TNKS: variants seen among roughly 807,000 people sequenced by gnomAD.
TNKS encodes poly [ADP-ribose] polymerase tankyrase-1.
In TNKS, 72 loss-of-function variants were observed where a neutral mutation model predicts 135.8. That is an observed-to-expected ratio of 0.53 (90% CI 0.44 to 0.64). The LOEUF is 0.64. TNKS is among the 30% of genes least tolerant of loss of function. The probability of loss-of-function intolerance (pLI) is 0.00; values close to 1 mark genes in which losing one functional copy is unlikely to be tolerated. For missense variants in TNKS, 1,769 were observed against 1,674.0 expected, an observed-to-expected ratio of 1.06 and a Z score of -0.99; for synonymous variants, 849 against 649.3, an observed-to-expected ratio of 1.31 and a Z score of -4.68.
At chr8:9,686,378 T>C (rs1223453028) in intron 5 of TNKS, among the ~76,000 whole-genome samples, 1 of 152,188 alleles carries the variant, frequency 6.6e-6, no homozygotes, top group Non-Finnish European at 1.5e-5. Context: ...GATCCATCTT[T>C]AGGGTGACAT....
At chr8:9,600,242 TAACTA>T (rs1463778450) in intron 2 of TNKS, among the ~76,000 whole-genome samples, 1 of 152,196 alleles carries the variant, frequency 6.6e-6, no homozygotes, top group East Asian at 1.9e-4. Flanking sequence ...TTCTTAACTC[TAACTA>T]TGGCATATTG....
chr8:9,632,366 G>A (rs765142417), intron 3 of TNKS, among the ~76,000 whole-genome samples: 3 of 152,052 alleles, frequency 2.0e-5, no homozygotes, highest in South Asian at 2.1e-4. Context: ...GTATACTCTC[G>A]CATAGATTCA....
At chr8:9,704,841 G>A in intron 6 of TNKS, 84 bp downstream of exon 6, 1 of 1,039,514 alleles carries the variant, frequency 9.6e-7, no homozygotes, top group Non-Finnish European at 1.4e-6. Context: ...AAAGTCATAT[G>A]TCCCATTTGT....
intron 1 of TNKS, among the ~76,000 whole-genome samples, chr8:9,567,702 C>A (rs574778215): frequency 6.6e-6 from 1 of 152,194 alleles, no homozygotes; most frequent in African/African-American, 2.4e-5. Context: ...CAGGCCTGAG[C>A]CACCGCACCC....
At chr8:9,707,877 C>T (rs906782503) in intron 8 of TNKS, among the ~76,000 whole-genome samples, 5 of 152,020 alleles carry the variant, frequency 3.3e-5, no homozygotes, top group Non-Finnish European at 5.9e-5. Context: ...TTTTCTATAC[C>T]ATTACTTATG....
At chr8:9,717,815 A>G (rs1804684775) in intron 11 of TNKS, among the ~76,000 whole-genome samples, 1 of 152,178 alleles carries the variant, frequency 6.6e-6, no homozygotes, top group Non-Finnish European at 1.5e-5. Context: ...AGATTGATTT[A>G]TATTCAGAGG....
intron 1 of TNKS, among the ~76,000 whole-genome samples, chr8:9,577,216 T>G (rs985241115): frequency 2.6e-5 from 4 of 152,314 alleles, no homozygotes; most frequent in African/African-American, 9.6e-5. Context: ...TGGCAACATG[T>G]GAAATTTTAA....
chr8:9,764,626 A>G (rs1347907779), intron 22 of TNKS, 90 bp from the exon 23 acceptor site: 56 of 917,396 alleles, frequency 6.1e-5, no homozygotes, highest in Non-Finnish European at 8.4e-5. Context: ...GTGAACTCCT[A>G]TTTATTTATT....
intron 2 of TNKS, among the ~76,000 whole-genome samples, chr8:9,611,869 T>A (rs1799476713): frequency 2.0e-5 from 3 of 152,218 alleles, no homozygotes; most frequent in Admixed American, 1.3e-4. Context: ...AACTTTTAGT[T>A]TTGTTTGTTC....
chr8:9,749,579 A>T (rs915566274), intron 18 of TNKS, among the ~76,000 whole-genome samples: 1 of 150,202 alleles, frequency 6.7e-6, no homozygotes, highest in Non-Finnish European at 1.5e-5. Context: ...GATTCAAGCC[A>T]TCCTCGTATC....
intron 18 of TNKS, among the ~76,000 whole-genome samples, chr8:9,750,767 C>A (rs749250634): frequency 6.6e-6 from 1 of 152,214 alleles, no homozygotes; most frequent in Non-Finnish European, 1.5e-5. Context: ...ATTTCTCACA[C>A]GTCTGGGAGT....
At chr8:9,627,968 A>C (rs1800128718) in intron 3 of TNKS, among the ~76,000 whole-genome samples, 1 of 152,114 alleles carries the variant, frequency 6.6e-6, no homozygotes, top group Non-Finnish European at 1.5e-5. Flanking sequence ...ACTCGTGTAC[A>C]ATGCTTTCCT....
chr8:9,721,852 G>C (rs1364898228), intron 12 of TNKS, among the ~76,000 whole-genome samples: 1 of 149,550 alleles, frequency 6.7e-6, no homozygotes, highest in African/African-American at 2.4e-5. Context: ...AGGAGTTCCA[G>C]ACCACCTTGG....
intron 3 of TNKS, among the ~76,000 whole-genome samples, chr8:9,663,018 A>C (rs1012327398): frequency 1.3e-5 from 2 of 152,246 alleles, no homozygotes; most frequent in Non-Finnish European, 2.9e-5. Context: ...AATCACAAGG[A>C]TTCTTTAAAG....
chr8:9,758,561 A>C (rs1806969496), intron 20 of TNKS, among the ~76,000 whole-genome samples: 1 of 152,186 alleles, frequency 6.6e-6, no homozygotes, highest in African/African-American at 2.4e-5. Flanking sequence ...ATTATTCCAC[A>C]GTTTCTGTAT....
rs1333987242 is a variant in TNKS, at chr8:9,777,627, G to C, written c.*891G>C. 6.6e-6 allele frequency: 1 copy of C among 152,406 alleles called. No homozygotes were observed. Among genetic ancestry groups the C allele is most frequent in the Non-Finnish European group, 1.5e-5 (1 of 68,208 alleles). 9.4% of individuals were successfully genotyped at this position (152,406 alleles called of 1,614,324 possible). A position where few individuals can be genotyped will look rare whatever the true frequency, so the allele number is the denominator to read the frequency against. On this transcript the variant is annotated 3_prime_UTR_variant, in exon 27 of 27. Transcript: ENST00000310430. ...AAACTGGGGAGGCTGTGAAGGAAGA[G>C]CTGCATTAAGGAGGGTGAGGAGCGT... is the stretch of plus-strand genomic sequence containing the variant.
chr8:9,568,555 C>G (rs1317048251), intron 1 of TNKS, among the ~76,000 whole-genome samples: 1 of 151,886 alleles, frequency 6.6e-6, no homozygotes, highest in South Asian at 2.1e-4. Context: ...TATGTGTAAA[C>G]AACATTCTTA....
intron 5 of TNKS, 75 bp downstream of exon 5, chr8:9,680,875 A>T: frequency 2.0e-6 from 2 of 1,024,720 alleles, no homozygotes; most frequent in South Asian, 1.4e-5. Flanking sequence ...TATATATATA[A>T]GCACGTATAC....
chr8:9,605,047 G>GAAT (rs1164531695), intron 2 of TNKS, among the ~76,000 whole-genome samples: 1 of 151,944 alleles, frequency 6.6e-6, no homozygotes, highest in Non-Finnish European at 1.5e-5. Context: ...GAAATAAAAT[G>GAAT]AATATATTTT....
Sources: allele counts gnomAD v4.1 joint callset (sites outside exome capture counted in the v4.1 genomes callset), GRCh38; gene constraint gnomAD v4.1.1; transcripts MANE v1.5; gene names NCBI Gene and HGNC (gene_info 2026-07-23, HGNC 2026-07-21).